The following TMEM209 variants were observed in gnomAD, a reference collection of about 807,000 sequenced individuals.
TMEM209 encodes the protein testicular tissue protein Li 202.
A neutral mutation model predicts 76.2 loss-of-function variants in TMEM209; 65 were observed. The ratio of observed to expected loss-of-function variants is 0.85; its 90% CI spans 0.70 to 1.05. The LOEUF is 1.05. Ranked by LOEUF, TMEM209 falls within the 50% of genes least tolerant of loss-of-function variation. The probability of loss-of-function intolerance (pLI) is 0.00; values close to 1 mark genes in which losing one functional copy is unlikely to be tolerated. For synonymous variants in TMEM209, 239 were observed against 237.6 expected (o/e 1.01, Z -0.06); for missense variants, 623 against 685.5 (o/e 0.91, Z 1.02).
chr7:130,190,429 A>T (rs566127384), intron 6 of TMEM209, among the ~76,000 whole-genome samples: 1 of 152,126 alleles, frequency 6.6e-6, no homozygotes, highest in Admixed American at 6.5e-5. Context: ...GAGGCAGGAG[A>T]ATCGCTTGAA....
chr7:130,203,512 G>A (rs1798296123), intron 3 of TMEM209, among the ~76,000 whole-genome samples: 1 of 152,142 alleles, frequency 6.6e-6, no homozygotes, highest in South Asian at 2.1e-4. Flanking sequence ...GCGCATTTCA[G>A]GAGAGTAATA....
intron 14 of TMEM209, among the ~76,000 whole-genome samples, chr7:130,169,532 T>C (rs1307863039): frequency 6.6e-6 from 1 of 152,202 alleles, no homozygotes; most frequent in Non-Finnish European, 1.5e-5. Flanking sequence ...CTGTTACACG[T>C]TTTACACTTT....
At position 130,204,039 on chromosome 7, in the gene TMEM209, A is replaced by C; in HGVS notation, c.75T>G (p.Ala25=). The C allele has an allele frequency of 6.2e-7, 1 of 1,613,568 alleles. No homozygotes were observed. Among genetic ancestry groups the C allele is most frequent in the Non-Finnish European group, 8.5e-7 (1 of 1,179,708 alleles). ...RTIKMRKETE[A]RKVVLAWGLL... ...GTCCCCAGGCTAAGACCACTTTCCT[A>C]GCCTCTGTTTCTTTTCTCATCTTGA... Residue 25 remains alanine, a synonymous_variant, in exon 2 of 15, where the codon GCT becomes GCG. Transcript: ENST00000397622.
intron 9 of TMEM209, 75 bp downstream of exon 9, chr7:130,181,548 C>T (rs1387508993): frequency 6.4e-6 from 8 of 1,258,868 alleles, no homozygotes; most frequent in Non-Finnish European, 7.9e-6. Context: ...ATAAGTTAAG[C>T]CGTCCATTAC....
In TMEM209 at chr7:130,166,150, A is replaced by G. The variant is rs1477381445; in HGVS notation, c.*301T>C. 6.8e-5 allele frequency: 15 copies of G among 219,768 alleles called. No individual in the cohort carries two copies. Among genetic ancestry groups the G allele is most frequent in the Admixed American group, 5.7e-5 (1 of 17,606 alleles). 13.6% of individuals were successfully genotyped at this position (219,768 alleles called of 1,614,324 possible). A position where few individuals can be genotyped will look rare whatever the true frequency, so the allele number is the denominator to read the frequency against. ...ACAATGAAAAAAAGACTCAAAATCT[A>G]TTTCATTAAGGGGAATGGCACTATT... On this transcript the variant is annotated 3_prime_UTR_variant, in exon 15 of 15. Coordinates refer to ENST00000397622, the MANE Select transcript of TMEM209 (RefSeq NM_032842.4).
At chr7:130,196,015 A>G (rs542927231) in intron 5 of TMEM209, among the ~76,000 whole-genome samples, 78 of 152,270 alleles carry the variant, frequency 5.1e-4, no homozygotes, top group African/African-American at 1.7e-3. Context: ...CCTGTTTTCT[A>G]ACTCAAGTTT....
chr7:130,194,219 T>C (rs989175331), intron 5 of TMEM209, among the ~76,000 whole-genome samples: 2 of 148,056 alleles, frequency 1.4e-5, no homozygotes, highest in African/African-American at 2.5e-5. Flanking sequence ...AAAAGAAATA[T>C]ACCACTGTGA....
Position 130,166,383 on chromosome 7 carries a change from A to C in TMEM209, c.*68T>G. The C allele has an allele frequency of 1.1e-5, 14 of 1,295,128 alleles. No homozygotes were observed. The highest frequency in any genetic ancestry group is 1.5e-5 in the Non-Finnish European group (14 of 935,446). The allele number at this position is 1,295,128 out of a possible 1,614,324, so 80.2% of individuals were successfully genotyped here. On this transcript the variant is annotated 3_prime_UTR_variant, in exon 15 of 15. Transcript: ENST00000397622. The stretch of plus-strand genomic sequence containing the variant: ...TTTATTTCAGAAGAGTCAGTGGCTC[A>C]GAGATGTTTAGTTTCGACTTCTGGT...
At chr7:130,205,045 A>C (rs1345962436) in intron 1 of TMEM209, 2 of 1,297,140 alleles carry the variant, frequency 1.5e-6, no homozygotes, top group African/African-American at 1.5e-5. Context: ...GGGATTTATA[A>C]TTCCTCCTTT....
At chr7:130,189,884 G>A (rs1243905911) in intron 6 of TMEM209, among the ~76,000 whole-genome samples, 4 of 152,126 alleles carry the variant, frequency 2.6e-5, no homozygotes, top group African/African-American at 9.7e-5. Flanking sequence ...TAATTTCTAA[G>A]TATCATTCTC....
chr7:130,200,556 A>T (rs140020831), intron 5 of TMEM209, among the ~76,000 whole-genome samples: 2,090 of 152,316 alleles, frequency 0.014, 41 homozygotes, highest in African/African-American at 0.048. Context: ...TATCCATTAG[A>T]TGAGTATTAA....
chr7:130,189,777 G>A (rs1797730309), intron 6 of TMEM209, among the ~76,000 whole-genome samples: 1 of 152,210 alleles, frequency 6.6e-6, no homozygotes, highest in African/African-American at 2.4e-5. Flanking sequence ...AGATGTGTGT[G>A]TGTACATATA....
intron 5 of TMEM209, among the ~76,000 whole-genome samples, chr7:130,194,338 CA>C (rs35357525): frequency 1.7e-3 from 237 of 139,128 alleles, no homozygotes; most frequent in Admixed American, 1.9e-3. Flanking sequence ...TAAAGTCCAT[CA>C]AAAAAAAAAA....
intron 6 of TMEM209, among the ~76,000 whole-genome samples, chr7:130,185,705 T>C (rs1237964751): frequency 6.6e-6 from 1 of 152,182 alleles, no homozygotes; most frequent in Non-Finnish European, 1.5e-5. Flanking sequence ...CTTTAGGAAA[T>C]AAATAGGCCA....
intron 1 of TMEM209, among the ~76,000 whole-genome samples, chr7:130,204,700 A>C (rs1056774329): frequency 8.5e-5 from 13 of 152,206 alleles, no homozygotes; most frequent in Admixed American, 7.9e-4. Context: ...TTATTTTGTA[A>C]TTTAAGGGTT....
At chr7:130,202,488 T>C (rs1410220352) in intron 4 of TMEM209, 44 bp downstream of exon 4, 5 of 1,563,924 alleles carry the variant, frequency 3.2e-6, no homozygotes, top group Non-Finnish European at 3.5e-6. Flanking sequence ...AAAGATTTAT[T>C]GCCAACCTTT....
At chr7:130,201,105 A>G (rs929093498) in intron 5 of TMEM209, among the ~76,000 whole-genome samples, 1 of 151,036 alleles carries the variant, frequency 6.6e-6, no homozygotes, top group Non-Finnish European at 1.5e-5. Context: ...AAAAAAAAAA[A>G]AAAAAAAAAA....
intron 6 of TMEM209, among the ~76,000 whole-genome samples, chr7:130,185,657 T>TCATTCTC (rs1466080897): frequency 6.6e-6 from 1 of 152,228 alleles, no homozygotes; most frequent in Non-Finnish European, 1.5e-5. Context: ...TCTAAGACTT[T>TCATTCTC]TAAATCATTT....
intron 14 of TMEM209, among the ~76,000 whole-genome samples, chr7:130,169,271 C>T (rs1422079320): frequency 6.7e-6 from 1 of 150,320 alleles, no homozygotes; most frequent in Non-Finnish European, 1.5e-5. Context: ...TTAATCTTTA[C>T]ATCCGATATA....
Sources: gnomAD v4.1 joint callset for allele counts (sites outside exome capture counted in the v4.1 genomes callset) on GRCh38, gnomAD v4.1.1 for gene constraint, MANE v1.5 for transcripts, NCBI Gene and HGNC (gene_info 2026-07-23, HGNC 2026-07-21) for gene names.